MRPL3: variants seen among roughly 807,000 people sequenced by gnomAD.
MRPL3 encodes the protein mitochondrial ribosomal protein L3.
MRPL3 carries 43 observed loss-of-function variants against 44.3 expected under a neutral mutation model. That is an observed-to-expected ratio of 0.97 (90% CI 0.76 to 1.25). The LOEUF is 1.25. Ranked by LOEUF, MRPL3 falls within the 50% of genes most tolerant of loss-of-function variation. The probability of loss-of-function intolerance (pLI) is 0.00; values close to 1 mark genes in which losing one functional copy is unlikely to be tolerated. For missense variants in MRPL3, 406 were observed against 427.6 expected (o/e 0.95, Z 0.45); for synonymous variants, 171 against 152.3 (o/e 1.12, Z -0.91).
intron 3 of MRPL3, among the ~76,000 whole-genome samples, chr3:131,500,155 A>C (rs1035527442): frequency 6.6e-6 from 1 of 152,250 alleles, no homozygotes; most frequent in Non-Finnish European, 1.5e-5. Flanking sequence ...CCAATTATGA[A>C]GTAAACAAGG....
At chr3:131,475,586 G>C (rs1196233847) in intron 6 of MRPL3, among the ~76,000 whole-genome samples, 2 of 152,104 alleles carry the variant, frequency 1.3e-5, no homozygotes, top group African/African-American at 2.4e-5. Flanking sequence ...TTTAAACATA[G>C]CTTACATCAC....
At chr3:131,463,153 G>A (rs193115730) in intron 9 of MRPL3, among the ~76,000 whole-genome samples, 1 of 152,214 alleles carries the variant, frequency 6.6e-6, no homozygotes, top group Non-Finnish European at 1.5e-5. Context: ...TTGCCCACAG[G>A]ATGAAATCAC....
At chr3:131,499,122 T>A (rs1934436848) in intron 3 of MRPL3, among the ~76,000 whole-genome samples, 1 of 152,248 alleles carries the variant, frequency 6.6e-6, no homozygotes, top group Non-Finnish European at 1.5e-5. Flanking sequence ...CTTTAAACTT[T>A]ATATAAATGG....
chr3:131,488,379 C>G (rs1321174263), intron 5 of MRPL3, among the ~76,000 whole-genome samples: 1 of 152,066 alleles, frequency 6.6e-6, no homozygotes, highest in Non-Finnish European at 1.5e-5. Context: ...TAAAGTCTTA[C>G]TTTAAATGTA....
intron 8 of MRPL3, among the ~76,000 whole-genome samples, chr3:131,468,909 A>T (rs974579393): frequency 1.3e-5 from 2 of 152,044 alleles, no homozygotes; most frequent in South Asian, 4.1e-4. Flanking sequence ...TATGCACCAA[A>T]ATGTTTCCAG....
At chr3:131,474,625 A>G (rs191618255) in intron 6 of MRPL3, among the ~76,000 whole-genome samples, 2 of 152,302 alleles carry the variant, frequency 1.3e-5, no homozygotes, top group African/African-American at 4.8e-5. Flanking sequence ...CAATATACAC[A>G]CATATTAAAA....
In MRPL3 at chr3:131,476,282, T is replaced by C. The variant is rs1043404016; in HGVS notation, c.630-5003A>G. ...AAAACACAAATAACATGACAAATTATTGGCTGAATTCAGATTAGGGAGAAC... is the reference window on the plus strand; with the variant it reads ...AAAACACAAATAACATGACAAATTACTGGCTGAATTCAGATTAGGGAGAAC... On this transcript the variant is annotated intron_variant, in intron 6 of 9. Transcript: ENST00000264995. Among the ~76,000 whole-genome samples the C allele has an allele frequency of 3.3e-5, 5 of 152,272 alleles. No individual in the cohort carries two copies. In the East Asian group the frequency reaches 9.6e-4, roughly 29 times the overall value.
In MRPL3 at chr3:131,467,358, T is replaced by C. The variant is rs570299426; in HGVS notation, c.894+733A>G. Among the ~76,000 whole-genome samples the C allele has an allele frequency of 2.3e-3, 344 of 152,236 alleles. 3 individuals carry two copies. Among genetic ancestry groups the C allele is most frequent in the Non-Finnish European group, 4.0e-3 (274 of 68,008 alleles). ...TCCTTTTGGAAGGACAGAGATATAC[T>C]GGTATTTTGGCAATAGTTTTCCAAA... On this transcript the variant is annotated intron_variant, in intron 9 of 9. Transcript: ENST00000264995.
At chr3:131,490,106 T>A in intron 4 of MRPL3, 26 bp from the exon 5 acceptor site, 1 of 1,454,950 alleles carries the variant, frequency 6.9e-7, no homozygotes. Flanking sequence ...CACATATAAG[T>A]AATACATTGA....
intron 6 of MRPL3, among the ~76,000 whole-genome samples, chr3:131,472,601 G>C (rs1193692547): frequency 6.6e-6 from 1 of 152,064 alleles, no homozygotes; most frequent in East Asian, 1.9e-4. Flanking sequence ...TATTAGGCAA[G>C]AGAAAGAAAT....
rs183034854 is a variant in MRPL3 at position 131,469,613 on chromosome 3, A to G, written c.816+83T>C. ...TTAAAGCCTCTTAGAACAATGGTAC[A>G]GACACAGATTAAATACATATTCTGC... is the stretch of plus-strand genomic sequence containing the variant. On this transcript the variant is annotated intron_variant, in intron 8 of 9. Transcript: ENST00000264995. 616 of 946,352 alleles carry G rather than the reference A, an allele frequency of 6.5e-4. 2 individuals are homozygous for G. The African/African-American group carries it at 9.4e-3, about 14-fold the overall frequency. The allele number at this position is 946,352 out of a possible 1,614,324, so 58.6% of individuals were successfully genotyped here. A position where few individuals can be genotyped will look rare whatever the true frequency, so the allele number is the denominator to read the frequency against.
At chr3:131,468,045 G>GAA in intron 9 of MRPL3, 46 bp downstream of exon 9, 1 of 909,538 alleles carries the variant, frequency 1.1e-6, no homozygotes, top group African/African-American at 3.4e-5. Context: ...TTGCGAGTAA[G>GAA]AAACAAAAAA....
chr3:131,492,615 C>T (rs551911997), intron 4 of MRPL3, among the ~76,000 whole-genome samples: 10 of 151,928 alleles, frequency 6.6e-5, no homozygotes, highest in Non-Finnish European at 1.2e-4. Context: ...AACTAATGCT[C>T]ACTCACCTGC....
rs1233674449 is a variant in MRPL3, at chr3:131,502,914, A to G, written c.-93T>C. On this transcript the variant is annotated 5_prime_UTR_variant, in exon 1 of 10. Coordinates refer to ENST00000264995, the MANE Select transcript of MRPL3 (RefSeq NM_007208.4). ...CACGCCACCGCCACGTGGACGCAGT[A>G]GCCGTGGGGAAGTTTTCGCAATGGC... The G allele has an allele frequency of 4.1e-6, 5 of 1,223,906 alleles. No individual in the cohort carries two copies. The highest frequency in any genetic ancestry group is 1.3e-5 in the South Asian group (1 of 78,284). 75.8% of individuals were successfully genotyped at this position (1,223,906 alleles called of 1,614,324 possible).
intron 6 of MRPL3, among the ~76,000 whole-genome samples, chr3:131,482,125 A>G (rs1229583471): frequency 6.6e-6 from 1 of 152,138 alleles, no homozygotes; most frequent in Non-Finnish European, 1.5e-5. Flanking sequence ...ACTTCTTTAC[A>G]CATTTTGGTA....
chr3:131,464,526 C>G (rs1394751694), intron 9 of MRPL3, among the ~76,000 whole-genome samples: 1 of 152,008 alleles, frequency 6.6e-6, no homozygotes, highest in Non-Finnish European at 1.5e-5. Flanking sequence ...CTTTTTATGT[C>G]TATCAGCAAA....
intron 4 of MRPL3, among the ~76,000 whole-genome samples, chr3:131,497,504 G>A (rs1934397299): frequency 6.6e-6 from 1 of 152,216 alleles, no homozygotes; most frequent in Admixed American, 6.5e-5. Flanking sequence ...TTAGAGATAA[G>A]CAATGTGTTA....
intron 4 of MRPL3, among the ~76,000 whole-genome samples, chr3:131,496,715 CCT>C (rs1934377570): frequency 6.6e-6 from 1 of 152,312 alleles, no homozygotes; most frequent in African/African-American, 2.4e-5. Context: ...TCAACTCTCC[CCT>C]GATCTCTTAA....
At chr3:131,495,929 G>A (rs1211985142) in intron 4 of MRPL3, among the ~76,000 whole-genome samples, 1 of 152,108 alleles carries the variant, frequency 6.6e-6, no homozygotes, top group Non-Finnish European at 1.5e-5. Flanking sequence ...ATGTTCAAAA[G>A]GTGAGTATAG....
Sources: gnomAD v4.1 joint callset for allele counts (sites outside exome capture counted in the v4.1 genomes callset) on GRCh38, gnomAD v4.1.1 for gene constraint, MANE v1.5 for transcripts, NCBI Gene and HGNC (gene_info 2026-07-23, HGNC 2026-07-21) for gene names.